Variants in LPA observed in about 807,000 individuals in gnomAD.
LPA encodes lipoprotein(a).
Under a neutral mutation model 197.9 loss-of-function variants are expected in LPA, and 199 were observed. The ratio of observed to expected loss-of-function variants is 1.01; its 90% CI spans 0.90 to 1.13. The LOEUF (loss-of-function observed/expected upper bound fraction) is 1.13, where lower values mean the gene tolerates loss of function less well. Among genes scored for constraint, LPA ranks in the 50% most tolerant of loss-of-function variants. The probability of loss-of-function intolerance (pLI) is 0.00; values close to 1 mark genes in which losing one functional copy is unlikely to be tolerated. For synonymous variants in LPA, 715 were observed against 639.5 expected, an observed-to-expected ratio of 1.12 and a Z score of -1.78; for missense variants, 1,853 against 1,785.8, an observed-to-expected ratio of 1.04 and a Z score of -0.68.
At chr6:160,597,481 T>C (rs1779156292) in intron 20 of LPA, among the ~76,000 whole-genome samples, 1 of 152,182 alleles carries the variant, frequency 6.6e-6, no homozygotes, top group South Asian at 2.1e-4. Context: ...TGTGCACGTG[T>C]GCCATTGTGT....
At chr6:160,588,197 A>G (rs190772080) in intron 24 of LPA, among the ~76,000 whole-genome samples, 21 of 152,216 alleles carry the variant, frequency 1.4e-4, no homozygotes, top group South Asian at 2.1e-4. Flanking sequence ...AAGTAACGCA[A>G]TAGGAATGCC....
chr6:160,578,942 T>G (rs1029230434), intron 26 of LPA, among the ~76,000 whole-genome samples: 1 of 152,302 alleles, frequency 6.6e-6, no homozygotes. Context: ...ATGCTCTCTA[T>G]GAAAACTGAG....
chr6:160,558,191 T>A (rs1365542502), intron 28 of LPA, among the ~76,000 whole-genome samples: 1 of 152,166 alleles, frequency 6.6e-6, no homozygotes, highest in Non-Finnish European at 1.5e-5. Context: ...AGTGCTGGGA[T>A]TACAGGTGTG....
At chr6:160,571,468 A>G (rs1778560344) in intron 28 of LPA, among the ~76,000 whole-genome samples, 2 of 152,140 alleles carry the variant, frequency 1.3e-5, no homozygotes, top group South Asian at 4.1e-4. Context: ...CTGGAGCTGC[A>G]CTCACAGCCA....
intron 24 of LPA, among the ~76,000 whole-genome samples, chr6:160,587,750 T>TG (rs1778938414): frequency 3.3e-5 from 4 of 122,320 alleles, no homozygotes; most frequent in African/African-American, 9.4e-5. Context: ...AGGTTCAGTC[T>TG]TTGTGTGTGT....
chr6:160,649,871 C>T (rs562250096), intron 2 of LPA, among the ~76,000 whole-genome samples: 2 of 152,282 alleles, frequency 1.3e-5, no homozygotes, highest in South Asian at 2.1e-4. Flanking sequence ...GCTCAGGACC[C>T]AGGGTGTTTC....
chr6:160,555,321 GTA>G (rs1314480191), intron 30 of LPA, among the ~76,000 whole-genome samples: 4 of 132,508 alleles, frequency 3.0e-5, no homozygotes, highest in African/African-American at 9.0e-5. Context: ...GTGTGTGTGT[GTA>G]TGTGTGTGTG....
rs1243697085 is a variant in LPA, at chr6:160,576,372, A to G, written c.4631+764T>C. On this transcript the variant is annotated intron_variant, in intron 28 of 38. Coordinates refer to ENST00000316300, the MANE Select transcript of LPA (RefSeq NM_005577.4). ...TATATATATATATATATATACATAT[A>G]TATATATATATATATATGTATATAT... is the stretch of plus-strand genomic sequence containing the variant. 2.5e-3 allele frequency among the ~76,000 whole-genome samples: 67 copies of G among 26,646 alleles called. 1 individual carries two copies. The highest frequency in any genetic ancestry group is 5.7e-3 in the Admixed American group (12 of 2,122). 17.5% of individuals were successfully genotyped at this position (26,646 alleles called of 152,430 possible). A position where few individuals can be genotyped will look rare whatever the true frequency, so the allele number is the denominator to read the frequency against.
intron 36 of LPA, among the ~76,000 whole-genome samples, chr6:160,539,761 G>T (rs1351027422): frequency 1.3e-5 from 2 of 152,198 alleles, no homozygotes; most frequent in Non-Finnish European, 2.9e-5. Context: ...ACCTTTCCCT[G>T]ATCATGAATG....
chr6:160,581,834 G>T (rs910879139), intron 26 of LPA, among the ~76,000 whole-genome samples: 1 of 152,078 alleles, frequency 6.6e-6, no homozygotes, highest in Non-Finnish European at 1.5e-5. Context: ...TAATCTATAA[G>T]CATGATGTGT....
chr6:160,564,273 TC>T (rs1778412159), intron 28 of LPA, among the ~76,000 whole-genome samples: 1 of 152,222 alleles, frequency 6.6e-6, no homozygotes, highest in African/African-American at 2.4e-5. Context: ...TTGACAAAAT[TC>T]CTCAGCATTT....
intron 18 of LPA, among the ~76,000 whole-genome samples, chr6:160,603,989 G>A (rs1187649136): frequency 6.6e-6 from 1 of 152,106 alleles, no homozygotes; most frequent in Non-Finnish European, 1.5e-5. Context: ...TCTTTATTGA[G>A]CTCACTGTTC....
chr6:160,650,738 T>C (rs962918272), intron 1 of LPA, among the ~76,000 whole-genome samples: 8 of 152,210 alleles, frequency 5.3e-5, no homozygotes, highest in Admixed American at 2.6e-4. Context: ...TCAGAATTCT[T>C]CTCACCAGAA....
chr6:160,571,726 C>T (rs901325061), intron 28 of LPA, among the ~76,000 whole-genome samples: 1 of 152,218 alleles, frequency 6.6e-6, no homozygotes, highest in Admixed American at 6.5e-5. Flanking sequence ...CCCCTCCTCC[C>T]ACCAAGCTTG....
chr6:160,595,405 C>G lies in LPA; in HGVS notation c.3418G>C (p.Ala1140Pro). 6.2e-7 allele frequency: 1 copy of G among 1,613,874 alleles called. No homozygotes were observed. The highest frequency in any genetic ancestry group is 8.5e-7 in the Non-Finnish European group (1 of 1,179,920). ...GGATCTGGGACCACCGTGAGAGTTG[C>G]AAGGACACTTGATTCTGTCACCAGG... ...QCLVTESSVL[A>P]TLTVVPDPST... Residue 1140 changes from alanine to proline, a missense_variant, in exon 21 of 39, where the codon GCA (alanine) becomes CCA (proline). Ala to Pro is a conservative substitution (Grantham distance 27). Coordinates refer to ENST00000316300, the MANE Select transcript of LPA (RefSeq NM_005577.4).
intron 28 of LPA, among the ~76,000 whole-genome samples, chr6:160,566,722 T>C (rs1358158238): frequency 3.3e-5 from 5 of 152,166 alleles, no homozygotes; most frequent in African/African-American, 1.2e-4. Context: ...TCAAGATCCA[T>C]CAGTGTGCTG....
rs773540732 is a variant in LPA, at chr6:160,578,503, T to C, written c.4471+20A>G. 1.2e-6 allele frequency: 2 copies of C among 1,613,616 alleles called. No individual in the cohort carries two copies. Among genetic ancestry groups the C allele is most frequent in the Non-Finnish European group, 1.7e-6 (2 of 1,179,560 alleles). On this transcript the variant is annotated intron_variant, in intron 27 of 38. Transcript: ENST00000316300. ...GGTTTTTCATCCCAGTATATAGATG[T>C]CTAACCACAAATTTCTTACCTTGTT...
intron 28 of LPA, among the ~76,000 whole-genome samples, chr6:160,569,926 C>T (rs2115023380): frequency 6.6e-6 from 1 of 152,194 alleles, no homozygotes; most frequent in East Asian, 1.9e-4. Flanking sequence ...AAATCAAAAC[C>T]ACAATGAGAT....
In LPA at chr6:160,595,475, G is replaced by C. The variant is rs760313861; in HGVS notation, c.3348C>G (p.Thr1116=). 64 of 1,613,682 alleles carry C rather than the reference G, an allele frequency of 4.0e-5. No homozygotes were observed. Among genetic ancestry groups the C allele is most frequent in the Non-Finnish European group, 5.4e-5 (64 of 1,179,950 alleles). ...ACTCCCACCTGACACTGGGATCCAT[G>C]GTGTAACACCAAGGGCGAATCTCAG... The part of the protein sequence containing the change: ...PDAEIRPWCY[T]MDPSVRWEYC... Residue 1116 remains threonine, a synonymous_variant, in exon 21 of 39, where the codon ACC becomes ACG. Transcript: ENST00000316300.
Sources: gnomAD v4.1 joint callset for allele counts (sites outside exome capture counted in the v4.1 genomes callset) on GRCh38, gnomAD v4.1.1 for gene constraint, MANE v1.5 for transcripts, NCBI Gene and HGNC (gene_info 2026-07-23, HGNC 2026-07-21) for gene names.